Variants in CSMD3 observed in about 807,000 individuals in gnomAD.
CSMD3 encodes CUB and sushi domain-containing protein 3.
A neutral mutation model predicts 435.2 loss-of-function variants in CSMD3; 177 were observed. The observed-to-expected ratio is 0.41, with a 90% CI of 0.36 to 0.46. The LOEUF (loss-of-function observed/expected upper bound fraction) is 0.46, where lower values mean the gene tolerates loss of function less well. Ranked by LOEUF, CSMD3 falls within the 20% of genes least tolerant of loss-of-function variation. The pLI is 0.34. For synonymous variants in CSMD3, 1,656 were observed against 1,520.5 expected, an observed-to-expected ratio of 1.09 and a Z score of -2.07; for missense variants, 4,265 against 4,504.6, an observed-to-expected ratio of 0.95 and a Z score of 1.52.
intron 5 of CSMD3, among the ~76,000 whole-genome samples, chr8:113,071,646 T>C (rs1356813922): frequency 2.0e-5 from 3 of 151,910 alleles, no homozygotes; most frequent in African/African-American, 7.2e-5. Context: ...GATTTTCTTG[T>C]CTATCTATTC....
chr8:112,296,839 T>C (rs1391680481), intron 53 of CSMD3, among the ~76,000 whole-genome samples: 2 of 151,852 alleles, frequency 1.3e-5, no homozygotes, highest in Non-Finnish European at 2.9e-5. Context: ...TATTAAACTC[T>C]TAGCTAACCC....
At chr8:112,716,314 C>T (rs558578520) in intron 13 of CSMD3, among the ~76,000 whole-genome samples, 58 of 152,252 alleles carry the variant, frequency 3.8e-4, no homozygotes, top group Non-Finnish European at 7.4e-4. Flanking sequence ...TGAATAAACT[C>T]CCATTCACAA....
chr8:112,842,771 A>G (rs1405332376), intron 11 of CSMD3, among the ~76,000 whole-genome samples: 1 of 151,864 alleles, frequency 6.6e-6, no homozygotes, highest in Non-Finnish European at 1.5e-5. Flanking sequence ...AATGTAAAAT[A>G]TAGAAAGGAC....
At chr8:112,411,800 C>A (rs1176828659) in intron 32 of CSMD3, among the ~76,000 whole-genome samples, 2 of 152,014 alleles carry the variant, frequency 1.3e-5, no homozygotes, top group Admixed American at 1.3e-4. Context: ...TCTTCTGATT[C>A]TAAAATGTTC....
chr8:112,563,216 C>T (rs1020492033), intron 24 of CSMD3, among the ~76,000 whole-genome samples: 56 of 151,688 alleles, frequency 3.7e-4, no homozygotes, highest in East Asian at 1.9e-4. Context: ...AAATTTGACA[C>T]AACATGTATT....
At chr8:112,773,658 T>C (rs1254025389) in intron 13 of CSMD3, among the ~76,000 whole-genome samples, 1 of 151,962 alleles carries the variant, frequency 6.6e-6, no homozygotes, top group African/African-American at 2.4e-5. Context: ...CTAAAGGAAT[T>C]GTACACATGT....
Position 112,556,748 on chromosome 8 carries a change from A to G in CSMD3, c.4234+15T>C, listed in dbSNP as rs377705591. 2.5e-6 allele frequency: 4 copies of G among 1,587,176 alleles called. No individual in the cohort carries two copies. In the African/African-American group the frequency reaches 5.4e-5, roughly 21 times the overall value. ...TCACAGAAATATTCAATGAAAATCT[A>G]TGACAGTATCCTACCAATACAGGAA... On this transcript the variant is annotated intron_variant, in intron 25 of 70. Transcript: ENST00000297405.
At chr8:112,693,495 T>C (rs1222289257) in intron 13 of CSMD3, among the ~76,000 whole-genome samples, 2 of 152,052 alleles carry the variant, frequency 1.3e-5, no homozygotes, top group Non-Finnish European at 2.9e-5. Flanking sequence ...CTATTATCCA[T>C]CCACTATTCC....
At position 112,832,880 on chromosome 8, in the gene CSMD3, A is replaced by T. The variant is rs2079916902; in HGVS notation, c.1756-3091T>A. ...TCCTTTCATTTTTCCCTCCAATATG[A>T]ACATCCAGTTGTCTCAATACTTTTT... On this transcript the variant is annotated intron_variant, in intron 11 of 70. Coordinates refer to ENST00000297405, the MANE Select transcript of CSMD3 (RefSeq NM_198123.2). Among the ~76,000 whole-genome samples, 5 of 152,260 alleles carry T rather than the reference A, an allele frequency of 3.3e-5. 1 individual carries two copies. In the South Asian group the frequency reaches 1.0e-3, roughly 32 times the overall value.
chr8:112,897,773 T>A (rs2081994372), intron 10 of CSMD3, among the ~76,000 whole-genome samples: 1 of 147,422 alleles, frequency 6.8e-6, no homozygotes, highest in Non-Finnish European at 1.5e-5. Flanking sequence ...GTGAAAAAAA[T>A]AGGCATAAAG....
chr8:112,234,013 AT>A (rs1813332774), intron 68 of CSMD3, among the ~76,000 whole-genome samples: 2 of 152,112 alleles, frequency 1.3e-5, no homozygotes, highest in African/African-American at 4.8e-5. Context: ...ATCCAGATTT[AT>A]TTATCATAGT....
chr8:112,458,863 A>G (rs1195575528), intron 32 of CSMD3, among the ~76,000 whole-genome samples: 1 of 152,106 alleles, frequency 6.6e-6, no homozygotes, highest in Non-Finnish European at 1.5e-5. Flanking sequence ...GCAGTTCTCA[A>G]GGTCTTTGTA....
intron 10 of CSMD3, among the ~76,000 whole-genome samples, chr8:112,910,761 C>A (rs1006318483): frequency 6.6e-6 from 1 of 151,868 alleles, no homozygotes; most frequent in Non-Finnish European, 1.5e-5. Flanking sequence ...CAGAGGCAAG[C>A]TTCCACTTTT....
rs2129858204 is a variant in CSMD3, at chr8:112,859,190, G to A, written c.1710C>T (p.Ser570=). Residue 570 remains serine, a synonymous_variant, in exon 11 of 71, where the codon AGC becomes AGT. Transcript: ENST00000297405. ...TSPNFPFQYD[S]NAQCVWVITA... ...TGATGACCCAGACACATTGTGCATT[G>A]CTGTCATACTGGAACGGAAAGTTGG... The A allele has an allele frequency of 6.2e-7, 1 of 1,610,050 alleles. No homozygotes were observed. Among genetic ancestry groups the A allele is most frequent in the Non-Finnish European group, 8.5e-7 (1 of 1,176,844 alleles).
chr8:112,349,666 T>C (rs1586843407), intron 40 of CSMD3, among the ~76,000 whole-genome samples: 1 of 152,146 alleles, frequency 6.6e-6, no homozygotes, highest in East Asian at 1.9e-4. Context: ...TACATGTATA[T>C]ATATGAGGTA....
chr8:113,287,002 A>G (rs2132506696), intron 2 of CSMD3, among the ~76,000 whole-genome samples: 1 of 152,110 alleles, frequency 6.6e-6, no homozygotes, highest in South Asian at 2.1e-4. Context: ...TAAAAGTGGT[A>G]CTATTACAAA....
intron 4 of CSMD3, among the ~76,000 whole-genome samples, chr8:113,153,889 C>A (rs1201613326): frequency 6.6e-6 from 1 of 151,796 alleles, no homozygotes; most frequent in Non-Finnish European, 1.5e-5. Flanking sequence ...AGATGATTTA[C>A]AAGATTTCCG....
chr8:112,787,534 C>G (rs2078577445), intron 13 of CSMD3, among the ~76,000 whole-genome samples: 1 of 152,076 alleles, frequency 6.6e-6, no homozygotes, highest in Admixed American at 6.6e-5. Context: ...TTGGAATCAA[C>G]CTAAGTGTTC....
At chr8:112,823,010 T>C (rs2079571264) in intron 12 of CSMD3, among the ~76,000 whole-genome samples, 1 of 152,188 alleles carries the variant, frequency 6.6e-6, no homozygotes, top group African/African-American at 2.4e-5. Flanking sequence ...GATAAGCTTT[T>C]TGATGAGCTG....
Sources: allele counts gnomAD v4.1 joint callset (sites outside exome capture counted in the v4.1 genomes callset), GRCh38; gene constraint gnomAD v4.1.1; transcripts MANE v1.5; gene names NCBI Gene and HGNC (gene_info 2026-07-23, HGNC 2026-07-21).